ARHGAP39: variants seen among roughly 807,000 people sequenced by gnomAD.
ARHGAP39 encodes the protein rho GTPase-activating protein 39.
Under a neutral mutation model 106.9 loss-of-function variants are expected in ARHGAP39, and 44 were observed. That is an observed-to-expected ratio of 0.41 (90% CI 0.32 to 0.53). The LOEUF is 0.53. ARHGAP39 is among the 20% of genes least tolerant of loss of function. The pLI, the probability that ARHGAP39 is intolerant of heterozygous loss-of-function variation, is 0.21. For synonymous variants in ARHGAP39, 768 were observed against 693.2 expected (o/e 1.11, Z -1.69); for missense variants, 1,496 against 1,577.3 (o/e 0.95, Z 0.87).
intron 1 of ARHGAP39, among the ~76,000 whole-genome samples, chr8:144,609,169 G>A (rs941737384): frequency 1.1e-4 from 16 of 152,170 alleles, no homozygotes; most frequent in African/African-American, 3.6e-4. Flanking sequence ...TAAGTATGAT[G>A]TTGACTGTAA....
chr8:144,605,529 C>T lies in ARHGAP39; in HGVS notation c.80+6G>A. On this transcript the variant is annotated splice_donor_region_variant and intron_variant, in intron 2 of 11. Coordinates refer to ENST00000377307, the MANE Select transcript of ARHGAP39 (RefSeq NM_025251.3). ...GGGCAGCTCCGCAGGTCGGTCGGCT[C>T]CTTACCGAGTGTTCGACCCTGGAAT... is the stretch of plus-strand genomic sequence containing the variant. The T allele has an allele frequency of 6.2e-7, 1 of 1,613,958 alleles. No homozygotes were observed. Among genetic ancestry groups the T allele is most frequent in the Non-Finnish European group, 8.5e-7 (1 of 1,180,008 alleles).
Position 144,545,654 on chromosome 8 carries a change from T to TGTGCTTGTTGAA in ARHGAP39, c.2104_2115dup (p.Phe702_His705dup). The TGTGCTTGTTGAA allele has an allele frequency of 6.2e-7, 1 of 1,613,548 alleles. No homozygotes were observed. The highest frequency in any genetic ancestry group is 8.5e-7 in the Non-Finnish European group (1 of 1,180,014). On this transcript the variant is annotated inframe_insertion, in exon 6 of 12. Transcript: ENST00000377307. The stretch of plus-strand genomic sequence containing the variant: ...ACCTTCCGCCGGAAGAGGCCCTGCG[T>TGTGCTTGTTGAA]GTGCTTGTTGAAGTGCTTGGAGGCC...
chr8:144,681,876 TA>T (rs202138737), intron 1 of ARHGAP39, among the ~76,000 whole-genome samples: 3,190 of 152,250 alleles, frequency 0.021, 122 homozygotes, highest in African/African-American at 0.073. Context: ...TTTTCTAAGG[TA>T]AAGCTAAGAT....
At chr8:144,609,118 C>T (rs185937781) in intron 1 of ARHGAP39, among the ~76,000 whole-genome samples, 11 of 152,304 alleles carry the variant, frequency 7.2e-5, no homozygotes, top group Non-Finnish European at 5.9e-5. Flanking sequence ...ACATATGTGC[C>T]TTCCTCCTAA....
chr8:144,648,768 A>T (rs1322140284), intron 1 of ARHGAP39, among the ~76,000 whole-genome samples: 1 of 152,184 alleles, frequency 6.6e-6, no homozygotes, highest in Non-Finnish European at 1.5e-5. Context: ...GCAAATAATG[A>T]AATTACGGCA....
chr8:144,611,734 G>A (rs1820496004), intron 1 of ARHGAP39, among the ~76,000 whole-genome samples: 1 of 152,104 alleles, frequency 6.6e-6, no homozygotes, highest in Admixed American at 6.5e-5. Flanking sequence ...TAAAGAGGGT[G>A]GCAAGGCACA....
At chr8:144,531,205 GGAGTGGGCTAGAC>G (rs1236268484) in intron 10 of ARHGAP39, among the ~76,000 whole-genome samples, 17 of 146,592 alleles carry the variant, frequency 1.2e-4, no homozygotes, top group African/African-American at 3.8e-4. Flanking sequence ...CAGCAGGTGG[GGAGTGGGCTAGAC>G]ATAGCAGGCA....
chr8:144,664,249 T>C (rs1279035149), intron 1 of ARHGAP39, among the ~76,000 whole-genome samples: 1 of 152,202 alleles, frequency 6.6e-6, no homozygotes, highest in Non-Finnish European at 1.5e-5. Context: ...CTCTGCCACC[T>C]GAGTAGAGCC....
chr8:144,600,525 C>T (rs566318498), intron 2 of ARHGAP39, among the ~76,000 whole-genome samples: 5 of 136,150 alleles, frequency 3.7e-5, no homozygotes, highest in Admixed American at 3.0e-4. Context: ...TGCGTGGAGG[C>T]GTGCGTGTGC....
intron 4 of ARHGAP39, among the ~76,000 whole-genome samples, chr8:144,553,220 A>T (rs950870271): frequency 6.6e-6 from 1 of 152,202 alleles, no homozygotes. Flanking sequence ...AGGAGATGTT[A>T]GCACCGCTGT....
At chr8:144,560,156 G>A (rs533904321) in intron 3 of ARHGAP39, among the ~76,000 whole-genome samples, 16 of 152,280 alleles carry the variant, frequency 1.1e-4, no homozygotes, top group African/African-American at 2.4e-4. Flanking sequence ...CAAACTTGCC[G>A]GGCACAGTGA....
At chr8:144,660,736 T>G (rs1821800598) in intron 1 of ARHGAP39, among the ~76,000 whole-genome samples, 2 of 152,070 alleles carry the variant, frequency 1.3e-5, no homozygotes, top group African/African-American at 4.8e-5. Context: ...TCCCAGCACT[T>G]TGGGAGGCCG....
intron 1 of ARHGAP39, among the ~76,000 whole-genome samples, chr8:144,665,694 G>A (rs959011138): frequency 1.3e-5 from 2 of 152,230 alleles, no homozygotes; most frequent in African/African-American, 4.8e-5. Context: ...GCCTACAGGT[G>A]CACAGAAGTC....
chr8:144,562,529 G>GACTCCAGTGGTTTCCATCAC (rs1347265185), intron 3 of ARHGAP39, among the ~76,000 whole-genome samples: 85 of 123,210 alleles, frequency 6.9e-4, no homozygotes, highest in African/African-American at 9.7e-4. Context: ...GTTTCCATCG[G>GACTCCAGTGGTTTCCATCAC]ACTCCAGTGG....
intron 2 of ARHGAP39, among the ~76,000 whole-genome samples, chr8:144,587,179 C>G (rs1819212917): frequency 6.6e-6 from 1 of 152,246 alleles, no homozygotes; most frequent in Non-Finnish European, 1.5e-5. Context: ...AACCTCTTTT[C>G]TTTATAAGTT....
intron 10 of ARHGAP39, among the ~76,000 whole-genome samples, chr8:144,531,096 G>A (rs899741382): frequency 6.6e-6 from 1 of 152,256 alleles, no homozygotes; most frequent in African/African-American, 2.4e-5. Context: ...CACGCCAGCA[G>A]AGTTGTGCAA....
At chr8:144,595,402 C>T (rs952861138) in intron 2 of ARHGAP39, among the ~76,000 whole-genome samples, 1 of 152,154 alleles carries the variant, frequency 6.6e-6, no homozygotes, top group Non-Finnish European at 1.5e-5. Context: ...AGCCGGCCCG[C>T]CGTGCCCGAG....
At chr8:144,633,950 G>T (rs901959570) in intron 1 of ARHGAP39, among the ~76,000 whole-genome samples, 1 of 152,260 alleles carries the variant, frequency 6.6e-6, no homozygotes, top group African/African-American at 2.4e-5. Flanking sequence ...GCAGTCAGTT[G>T]TAACAAACTG....
chr8:144,695,106 C>A, the ARHGAP39 span, among the ~76,000 whole-genome samples: 1 of 141,770 alleles, frequency 7.1e-6, no homozygotes, highest in Non-Finnish European at 1.5e-5. Flanking sequence ...CTGGAGTCTC[C>A]CTCTGTGGCC....
Sources: gnomAD v4.1 joint callset for allele counts (sites outside exome capture counted in the v4.1 genomes callset) on GRCh38, gnomAD v4.1.1 for gene constraint, MANE v1.5 for transcripts, NCBI Gene and HGNC (gene_info 2026-07-23, HGNC 2026-07-21) for gene names.